The following MACF1 variants were observed in gnomAD, a reference collection of about 807,000 sequenced individuals.
The protein encoded by MACF1 is microtubule-actin cross-linking factor 1.
A neutral mutation model predicts 854.8 loss-of-function variants in MACF1; 193 were observed. The observed-to-expected ratio is 0.23, with a 90% confidence interval of 0.20 to 0.25. The LOEUF is 0.25. Among genes scored for constraint, MACF1 ranks in the 10% least tolerant of loss-of-function variants. The pLI is 1.00. For synonymous variants in MACF1, 3,185 were observed against 3,226.7 expected (o/e 0.99, Z 0.44); for missense variants, 7,722 against 8,929.1 (o/e 0.86, Z 5.45).
chr1:39,103,768 C>T (rs1642153224), intron 2 of MACF1: 1 of 152,194 alleles, frequency 6.6e-6, no homozygotes, highest in Non-Finnish European at 1.5e-5. Flanking sequence ...TCAGGCCCTT[C>T]CCTGCATGAT....
intron 10 of MACF1, 21 bp downstream of exon 10, chr1:39,284,206 T>G (rs779069767): frequency 2.5e-6 from 4 of 1,608,040 alleles, no homozygotes; most frequent in African/African-American, 2.7e-5. Context: ...GGACTTAAAT[T>G]TTTTTGGTAA....
chr1:39,438,589 A>C (rs1203681865), intron 71 of MACF1, among the ~76,000 whole-genome samples: 1 of 152,146 alleles, frequency 6.6e-6, no homozygotes, highest in Non-Finnish European at 1.5e-5. Flanking sequence ...GTTCGAGACC[A>C]GCCTGGCCAA....
intron 51 of MACF1, among the ~76,000 whole-genome samples, chr1:39,371,152 C>G (rs1649195726): frequency 6.6e-6 from 1 of 151,800 alleles, no homozygotes; most frequent in African/African-American, 2.4e-5. Flanking sequence ...AACCCCATCT[C>G]TACGAAAAAT....
rs202062556 is a variant in MACF1, at chr1:39,319,039, A to G, written c.3945+424A>G. ...TTTGTTTTGTTTTGTTTTGTTTAGCATTATGGTTAAGAGTATGAGATCTGG... is the reference window on the plus strand; with the variant it reads ...TTTGTTTTGTTTTGTTTTGTTTAGCGTTATGGTTAAGAGTATGAGATCTGG... On this transcript the variant is annotated intron_variant, in intron 30 of 100. Coordinates refer to ENST00000564288, the MANE Select transcript of MACF1 (RefSeq NM_001394062.1). Among the ~76,000 whole-genome samples the G allele has an allele frequency of 2.7e-5, 4 of 150,504 alleles. No individual in the cohort carries two copies. The East Asian group carries it at 5.8e-4, about 22-fold the overall frequency.
At chr1:39,343,163 T>G (rs565664982) in intron 40 of MACF1, among the ~76,000 whole-genome samples, 1 of 152,334 alleles carries the variant, frequency 6.6e-6, no homozygotes, top group South Asian at 2.1e-4. Context: ...TTCTCTTTTT[T>G]TGTTCTATTT....
At chr1:39,422,335 G>A (rs1557645900) in intron 58 of MACF1, 39 bp from the exon 59 acceptor site, 1 of 1,578,996 alleles carries the variant, frequency 6.3e-7, no homozygotes, top group Non-Finnish European at 8.7e-7. Context: ...GAGTCTAATA[G>A]CCTTTGTATT....
At position 39,485,853 on chromosome 1, in the gene MACF1, G is replaced by T; in HGVS notation, c.*59G>T. ...TTGAATCCTGCTCCATACATTGGGTGTATATTTATTCTGAACGGGAGAAGT... is the reference window on the plus strand; with the variant it reads ...TTGAATCCTGCTCCATACATTGGGTTTATATTTATTCTGAACGGGAGAAGT... On this transcript the variant is annotated 3_prime_UTR_variant, in exon 101 of 101. Coordinates refer to ENST00000564288, the MANE Select transcript of MACF1 (RefSeq NM_001394062.1). 2 of 1,476,512 alleles carry T rather than the reference G, an allele frequency of 1.4e-6. No homozygotes were observed. Among genetic ancestry groups the T allele is most frequent in the Non-Finnish European group, 9.0e-7 (1 of 1,108,252 alleles). The allele number at this position is 1,476,512 out of a possible 1,614,324, so 91.5% of individuals were successfully genotyped here.
intron 89 of MACF1, 27 bp from the exon 90 acceptor site, chr1:39,458,343 C>A: frequency 1.9e-6 from 3 of 1,609,924 alleles, no homozygotes; most frequent in Non-Finnish European, 2.5e-6. Flanking sequence ...ATATTTAACT[C>A]TTTTTCCTAT....
At chr1:39,179,641 T>C (rs1644077701) in intron 2 of MACF1, among the ~76,000 whole-genome samples, 1 of 152,130 alleles carries the variant, frequency 6.6e-6, no homozygotes, top group African/African-American at 2.4e-5. Flanking sequence ...AGGTCAGAGT[T>C]GATGGTAGAA....
intron 58 of MACF1, among the ~76,000 whole-genome samples, chr1:39,399,300 C>G (rs959412595): frequency 2.6e-5 from 4 of 151,950 alleles, no homozygotes; most frequent in Non-Finnish European, 4.4e-5. Flanking sequence ...ATCCAGTTAC[C>G]CCAGACACTC....
Position 39,437,970 on chromosome 1 carries a change from G to A in MACF1, c.18182G>A (p.Gly6061Glu). The change falls in exon 71 of 101, where the codon GGA becomes GAA. Residue 6061 changes from glycine to glutamate, a missense_variant. This residue lies in a region of MACF1 where 2,807 missense variants were observed against 3,235.8 expected (regional missense o/e 0.87). Transcript: ENST00000564288. ...ALKRRGEELI[G>E]RSQGADKDLA... ...AAGCGCCGTGGAGAGGAGCTTATTG[G>A]ACGATCTCAGGGAGCAGACAAGGAT... 6.2e-7 allele frequency: 1 copy of A among 1,614,110 alleles called. No homozygotes were observed. The highest frequency in any genetic ancestry group is 2.2e-5 in the East Asian group (1 of 44,874).
chr1:39,107,822 T>G (rs1264046915), intron 2 of MACF1, among the ~76,000 whole-genome samples: 1 of 152,140 alleles, frequency 6.6e-6, no homozygotes, highest in Non-Finnish European at 1.5e-5. Context: ...ATTACTTGGA[T>G]CTCTCTCTGC....
In MACF1 at chr1:39,379,299, T is replaced by C; in HGVS notation, c.13373T>C (p.Ile4458Thr). ...LHERQESLQA[I>T]LNRMEEVHKE... ...GAACGCCAGGAAAGCCTTCAGGCTA[T>C]CCTCAACAGAATGGAGGAGGTTCAC... Residue 4458 changes from isoleucine to threonine, a missense_variant, in exon 54 of 101, where the codon ATC becomes ACC. Ile to Thr is a moderately conservative substitution (Grantham distance 89, BLOSUM62 -1). Coordinates refer to ENST00000564288, the MANE Select transcript of MACF1 (RefSeq NM_001394062.1). The C allele has an allele frequency of 6.2e-7, 1 of 1,614,032 alleles. No homozygotes were observed. The highest frequency in any genetic ancestry group is 2.2e-5 in the East Asian group (1 of 44,874).
At chr1:39,447,391 G>T (rs537958576) in intron 80 of MACF1, 41 bp from the exon 81 acceptor site, 16 of 1,597,804 alleles carry the variant, frequency 1.0e-5, no homozygotes, top group Non-Finnish European at 1.4e-5. Flanking sequence ...TGAAATTGGC[G>T]CTTTTTCTTT....
intron 33 of MACF1, 71 bp downstream of exon 33, chr1:39,323,079 C>G: frequency 1.4e-6 from 2 of 1,424,644 alleles, no homozygotes; most frequent in South Asian, 2.3e-5. Flanking sequence ...GTGGTGTGTG[C>G]CTGTAGTCTC....
chr1:39,238,493 G>C (rs1426151861), intron 2 of MACF1, among the ~76,000 whole-genome samples: 3 of 152,206 alleles, frequency 2.0e-5, no homozygotes, highest in Non-Finnish European at 4.4e-5. Flanking sequence ...TTGGCCCCTA[G>C]CTGATTGTTT....
chr1:39,205,784 T>C (rs1271507672), intron 1 of MACF1, among the ~76,000 whole-genome samples: 2 of 58,036 alleles, frequency 3.4e-5, no homozygotes, highest in African/African-American at 1.5e-4. Flanking sequence ...AATCAGGCTT[T>C]GATAATTAAA....
At chr1:39,214,227 G>A (rs1031312088) in intron 1 of MACF1, among the ~76,000 whole-genome samples, 2 of 152,116 alleles carry the variant, frequency 1.3e-5, no homozygotes, top group African/African-American at 2.4e-5. Flanking sequence ...TGTGGGGCAG[G>A]GCTGCAGTGT....
intron 23 of MACF1, among the ~76,000 whole-genome samples, chr1:39,306,975 A>G (rs999620836): frequency 9.9e-5 from 15 of 151,660 alleles, no homozygotes; most frequent in Admixed American, 2.6e-4. Flanking sequence ...CCTGGGCTCA[A>G]GTGATTCTCC....
Sources: gnomAD v4.1 joint callset for allele counts (sites outside exome capture counted in the v4.1 genomes callset) on GRCh38, gnomAD v4.1.1 for gene constraint, gnomAD v4.1.1 regional missense constraint, MANE v1.5 for transcripts, NCBI Gene and HGNC (gene_info 2026-07-23, HGNC 2026-07-21) for gene names.